The following RAPGEF4 variants were observed in gnomAD, a reference collection of about 807,000 sequenced individuals.
RAPGEF4 encodes the protein RAP guanine-nucleotide-exchange factor (GEF) 4.
In RAPGEF4, 66 loss-of-function variants were observed where a neutral mutation model predicts 147.9. The ratio of observed to expected loss-of-function variants is 0.45; its 90% CI spans 0.37 to 0.55. RAPGEF4 has a LOEUF of 0.55. RAPGEF4 is among the 20% of genes least tolerant of loss of function. The pLI is 0.00. For missense variants in RAPGEF4, 1,071 were observed against 1,257.3 expected, an observed-to-expected ratio of 0.85 and a Z score of 2.24; for synonymous variants, 419 against 442.7, an observed-to-expected ratio of 0.95 and a Z score of 0.67.
At chr2:172,784,011 G>C (rs1241852770) in intron 1 of RAPGEF4, among the ~76,000 whole-genome samples, 1 of 152,088 alleles carries the variant, frequency 6.6e-6, no homozygotes, top group East Asian at 1.9e-4. Flanking sequence ...TCATCTGTAC[G>C]TGAAGTCTCT....
intron 1 of RAPGEF4, among the ~76,000 whole-genome samples, chr2:172,739,464 T>G (rs1345537240): frequency 1.3e-5 from 2 of 152,040 alleles, no homozygotes; most frequent in Non-Finnish European, 2.9e-5. Flanking sequence ...CTCCCCCTCC[T>G]GGTTTCAAGT....
intron 1 of RAPGEF4, among the ~76,000 whole-genome samples, chr2:172,768,259 A>G (rs1163083927): frequency 6.6e-6 from 1 of 152,176 alleles, no homozygotes; most frequent in Admixed American, 6.5e-5. Context: ...GGATGTATGG[A>G]CCAGCAGACA....
chr2:172,873,352 A>G (rs1695472076), intron 4 of RAPGEF4, among the ~76,000 whole-genome samples: 1 of 152,208 alleles, frequency 6.6e-6, no homozygotes, highest in Non-Finnish European at 1.5e-5. Flanking sequence ...CAATAAAATT[A>G]AAGTTAATGT....
At chr2:172,965,738 C>G (rs1689765145) in intron 9 of RAPGEF4, 55 bp downstream of exon 9, 1 of 1,607,072 alleles carries the variant, frequency 6.2e-7, no homozygotes, top group Non-Finnish European at 8.5e-7. Context: ...GTGCATTTCC[C>G]TGGGTAAGTA....
chr2:172,976,922 T>C (rs1691136007), intron 10 of RAPGEF4, among the ~76,000 whole-genome samples: 1 of 152,236 alleles, frequency 6.6e-6, no homozygotes, highest in African/African-American at 2.4e-5. Context: ...TAGACATTGC[T>C]GCCAGAATGC....
At chr2:172,979,517 A>G (rs1001197671) in intron 10 of RAPGEF4, among the ~76,000 whole-genome samples, 1 of 152,218 alleles carries the variant, frequency 6.6e-6, no homozygotes, top group Non-Finnish European at 1.5e-5. Context: ...ATGCAGAAAC[A>G]AGTCATTAGA....
intron 6 of RAPGEF4, among the ~76,000 whole-genome samples, chr2:172,941,682 T>G (rs555265837): frequency 1.3e-5 from 2 of 152,184 alleles, no homozygotes; most frequent in South Asian, 4.1e-4. Flanking sequence ...ATTACGGCAG[T>G]ACATCGTAGG....
chr2:172,933,478 G>C (rs906697739), intron 6 of RAPGEF4, among the ~76,000 whole-genome samples: 3 of 152,162 alleles, frequency 2.0e-5, no homozygotes, highest in African/African-American at 7.2e-5. Flanking sequence ...CAGTATCCAA[G>C]AATGAAGTGT....
intron 4 of RAPGEF4, among the ~76,000 whole-genome samples, chr2:172,830,627 A>T (rs1054137590): frequency 1.3e-5 from 2 of 151,934 alleles, no homozygotes; most frequent in African/African-American, 2.4e-5. Flanking sequence ...CATTTGAGAC[A>T]GAGTCTCTCT....
chr2:172,766,953 G>A (rs949260788), intron 1 of RAPGEF4, among the ~76,000 whole-genome samples: 3 of 152,108 alleles, frequency 2.0e-5, no homozygotes, highest in Non-Finnish European at 4.4e-5. Context: ...GCATTTTCTT[G>A]TATGGTTTTG....
intron 12 of RAPGEF4, among the ~76,000 whole-genome samples, chr2:172,986,174 G>A (rs1051872356): frequency 3.9e-5 from 6 of 152,250 alleles, no homozygotes; most frequent in African/African-American, 1.4e-4. Context: ...GTCAGGAAAT[G>A]CCTCTCCAAT....
intron 2 of RAPGEF4, among the ~76,000 whole-genome samples, chr2:172,796,047 A>C (rs192765453): frequency 2.8e-4 from 42 of 152,316 alleles, no homozygotes; most frequent in Admixed American, 2.5e-3. Flanking sequence ...TCACATGCCT[A>C]AGTCTAAACC....
intron 3 of RAPGEF4, among the ~76,000 whole-genome samples, chr2:172,800,628 G>A (rs1686879732): frequency 6.6e-6 from 1 of 152,138 alleles, no homozygotes; most frequent in African/African-American, 2.4e-5. Flanking sequence ...TGTGGGGGCT[G>A]GCAGGTCTGA....
chr2:172,969,980 A>C (rs1048482833), intron 10 of RAPGEF4, among the ~76,000 whole-genome samples: 9 of 152,286 alleles, frequency 5.9e-5, no homozygotes, highest in African/African-American at 2.2e-4. Context: ...AAGATACATG[A>C]TTTCAGGTGG....
At chr2:172,822,832 G>A (rs1297001950) in intron 4 of RAPGEF4, among the ~76,000 whole-genome samples, 1 of 152,154 alleles carries the variant, frequency 6.6e-6, no homozygotes, top group African/African-American at 2.4e-5. Context: ...CACCCACTCA[G>A]CTAAGCTACT....
intron 26 of RAPGEF4, among the ~76,000 whole-genome samples, chr2:173,032,466 T>TAAAG (rs1697282203): frequency 7.2e-6 from 1 of 138,758 alleles, no homozygotes; most frequent in African/African-American, 2.5e-5. Flanking sequence ...GAAAGCTAAG[T>TAAAG]AAAGAAAGAG....
At chr2:172,966,435 T>TA (rs1559150249) in intron 9 of RAPGEF4, among the ~76,000 whole-genome samples, 1 of 152,154 alleles carries the variant, frequency 6.6e-6, no homozygotes, top group African/African-American at 2.4e-5. Context: ...GGAATGGACT[T>TA]AGAGTCTGTA....
intron 26 of RAPGEF4, 92 bp from the exon 27 acceptor site, chr2:173,033,822 G>A (rs1683545510): frequency 1.7e-6 from 2 of 1,168,712 alleles, no homozygotes; most frequent in Admixed American, 4.1e-5. Flanking sequence ...AAGAGCCAAT[G>A]GATATATATT....
At chr2:172,993,922 G>A (rs1693071579) in intron 15 of RAPGEF4, among the ~76,000 whole-genome samples, 1 of 152,250 alleles carries the variant, frequency 6.6e-6, no homozygotes, top group Admixed American at 6.5e-5. Context: ...CAGGTGGGCA[G>A]AGCTTAGAGA....
Sources: allele counts gnomAD v4.1 joint callset (sites outside exome capture counted in the v4.1 genomes callset), GRCh38; gene constraint gnomAD v4.1.1; transcripts MANE v1.5; gene names NCBI Gene and HGNC (gene_info 2026-07-23, HGNC 2026-07-21).